Variants in DNAH10 observed in about 807,000 individuals in gnomAD.
DNAH10 encodes the protein dynein axonemal heavy chain 10.
DNAH10 carries 348 observed loss-of-function variants against 506.6 expected under a neutral mutation model. The observed-to-expected ratio is 0.69, with a 90% CI of 0.63 to 0.75. The LOEUF (loss-of-function observed/expected upper bound fraction) is 0.75, where lower values mean the gene tolerates loss of function less well. Among genes scored for constraint, DNAH10 ranks in the 30% least tolerant of loss-of-function variants. The pLI is 0.00. For synonymous variants in DNAH10, 2,059 were observed against 2,198.6 expected, an observed-to-expected ratio of 0.94 and a Z score of 1.78; for missense variants, 5,179 against 5,787.1, an observed-to-expected ratio of 0.89 and a Z score of 3.41.
At chr12:123,765,665 C>A (rs1223488069) in intron 1 of DNAH10, among the ~76,000 whole-genome samples, 1 of 151,830 alleles carries the variant, frequency 6.6e-6, no homozygotes, top group African/African-American at 2.4e-5. Flanking sequence ...ACATCTATCT[C>A]TCTCTATTAT....
At position 123,850,884 on chromosome 12, in the gene DNAH10, C is replaced by T. The variant is rs1951132821; in HGVS notation, c.6103-4C>T. On this transcript the variant is annotated splice_region_variant and splice_polypyrimidine_tract_variant and intron_variant, in intron 34 of 78. Coordinates refer to ENST00000673944, the MANE Select transcript of DNAH10 (RefSeq NM_001372106.1). The surrounding 1 kb of genome is among the most constrained non-coding windows in gnomAD (Gnocchi z 5.5). ...TTCTTTCTTTCTTCCTTCTTGCCCTCCAGTTTGAAGGGCAGGAGATTTCCC... is the reference window on the plus strand; with the variant it reads ...TTCTTTCTTTCTTCCTTCTTGCCCTTCAGTTTGAAGGGCAGGAGATTTCCC... 2 of 1,602,606 alleles carry T rather than the reference C, an allele frequency of 1.2e-6. No individual in the cohort carries two copies. The highest frequency in any genetic ancestry group is 1.7e-6 in the Non-Finnish European group (2 of 1,172,510).
At chr12:123,782,995 C>A in intron 6 of DNAH10, 112 bp from the exon 7 acceptor site, 1 of 890,860 alleles carries the variant, frequency 1.1e-6, no homozygotes, top group Non-Finnish European at 1.8e-6. Context: ...ATGCGTCAGA[C>A]CTTATTATAC....
rs529249884 is a variant in DNAH10, at chr12:123,858,300, T to C, written c.6631-850T>C. Among the ~76,000 whole-genome samples the C allele has an allele frequency of 3.9e-5, 6 of 152,256 alleles. No homozygotes were observed. The South Asian group carries it at 1.2e-3, about 32-fold the overall frequency. ...GGCAGAGTCCTGCTGAGAGTGTAAATGCCCAGAGCCTCCAGACCTGGGGGG... is the reference window on the plus strand; with the variant it reads ...GGCAGAGTCCTGCTGAGAGTGTAAACGCCCAGAGCCTCCAGACCTGGGGGG... On this transcript the variant is annotated intron_variant, in intron 37 of 78. Coordinates refer to ENST00000673944, the MANE Select transcript of DNAH10 (RefSeq NM_001372106.1).
chr12:123,766,233 G>A (rs112935333), intron 1 of DNAH10, among the ~76,000 whole-genome samples: 2 of 150,908 alleles, frequency 1.3e-5, no homozygotes, highest in Non-Finnish European at 3.0e-5. Flanking sequence ...CTGTCTGTCT[G>A]TCTATCTCTG....
intron 52 of DNAH10, among the ~76,000 whole-genome samples, chr12:123,891,369 G>A (rs1019032730): frequency 6.6e-6 from 1 of 152,164 alleles, no homozygotes; most frequent in African/African-American, 2.4e-5. Flanking sequence ...GGGGACTTCA[G>A]TATATCTTTT....
Position 123,913,381 on chromosome 12 carries a change from C to T in DNAH10, c.10352+66C>T. 1 of 1,453,516 alleles carries T rather than the reference C, an allele frequency of 6.9e-7. No homozygotes were observed. The highest frequency in any genetic ancestry group is 9.2e-7 in the Non-Finnish European group (1 of 1,085,710). 90.0% of individuals were successfully genotyped at this position (1,453,516 alleles called of 1,614,324 possible). A position where few individuals can be genotyped will look rare whatever the true frequency, so the allele number is the denominator to read the frequency against. ...CGGACGTCACCCACAGAGTTTCTCG[C>T]CATGTTGATTCTTTATCTCACGTTG... On this transcript the variant is annotated intron_variant, in intron 60 of 78. Transcript: ENST00000673944. The surrounding 1 kb of genome is among the most constrained non-coding windows in gnomAD (Gnocchi z 5.1).
Position 123,850,856 on chromosome 12 carries a change from T to G in DNAH10, c.6103-32T>G. On this transcript the variant is annotated intron_variant, in intron 34 of 78. Transcript: ENST00000673944. This position sits in a 1 kb window ranked among gnomAD's most constrained non-coding sequence, Gnocchi z 5.5. ...GGGCTGGCCGGCCGGGCCACCTAAC[T>G]GCTTCTTTCTTTCTTCCTTCTTGCC... 1 of 1,585,372 alleles carries G rather than the reference T, an allele frequency of 6.3e-7. No homozygotes were observed. The highest frequency in any genetic ancestry group is 8.6e-7 in the Non-Finnish European group (1 of 1,163,278).
chr12:123,921,907 G>A (rs564501521), intron 65 of DNAH10, among the ~76,000 whole-genome samples: 2 of 151,346 alleles, frequency 1.3e-5, no homozygotes, highest in African/African-American at 2.4e-5. Context: ...TAGAGACAGG[G>A]TTTTGCCATG....
intron 12 of DNAH10, among the ~76,000 whole-genome samples, chr12:123,795,760 C>A (rs929720528): frequency 6.6e-5 from 10 of 152,192 alleles, no homozygotes; most frequent in African/African-American, 2.4e-4. Flanking sequence ...GTGCCTGCCA[C>A]ACCTAATTAC....
At chr12:123,908,207 C>CCCTGTCTCCTCCCTGTCTT in intron 57 of DNAH10, 8 of 399,830 alleles carry the variant, frequency 2.0e-5, no homozygotes, top group Non-Finnish European at 4.0e-5. Flanking sequence ...TCTGTCCCCT[C>CCCTGTCTCCTCCCTGTCTT]CCTGTCTCCT....
intron 35 of DNAH10, 104 bp downstream of exon 35, chr12:123,851,180 CGGG>C: frequency 7.9e-7 from 1 of 1,269,234 alleles, no homozygotes. Context: ...CTCTTCCAGA[CGGG>C]ACCTAGGATG....
rs181419230 is a variant in DNAH10, at chr12:123,913,361, G to A, written c.10352+46G>A. On this transcript the variant is annotated intron_variant, in intron 60 of 78. Coordinates refer to ENST00000673944, the MANE Select transcript of DNAH10 (RefSeq NM_001372106.1). The surrounding 1 kb of genome is among the most constrained non-coding windows in gnomAD (Gnocchi z 5.1). ...CACCTGTTGCGGTTTGTAAACGGACGTCACCCACAGAGTTTCTCGCCATGT... is the reference window on the plus strand; with the variant it reads ...CACCTGTTGCGGTTTGTAAACGGACATCACCCACAGAGTTTCTCGCCATGT... 4.9e-4 allele frequency: 732 copies of A among 1,505,756 alleles called. 1 individual carries two copies. The highest frequency in any genetic ancestry group is 6.4e-4 in the Non-Finnish European group (715 of 1,121,856). 93.3% of individuals were successfully genotyped at this position (1,505,756 alleles called of 1,614,324 possible).
Position 123,813,751 on chromosome 12 carries a change from T to C in DNAH10, c.3622-3T>C, listed in dbSNP as rs752397692. 6 of 1,613,448 alleles carry C rather than the reference T, an allele frequency of 3.7e-6. No homozygotes were observed. The highest frequency in any genetic ancestry group is 4.5e-5 in the East Asian group (2 of 44,904). ...TTAGTGTTCTTTGTACTTTCTGTTA[T>C]AGCACCTGGCCAAAAACCTTAGGAA... On this transcript the variant is annotated splice_polypyrimidine_tract_variant and splice_region_variant and intron_variant, in intron 20 of 78. Coordinates refer to ENST00000673944, the MANE Select transcript of DNAH10 (RefSeq NM_001372106.1).
At chr12:123,935,056 C>T in intron 78 of DNAH10, 1 of 599,314 alleles carries the variant, frequency 1.7e-6, no homozygotes, top group Non-Finnish European at 2.9e-6. Flanking sequence ...CAAAATGCTG[C>T]AGACATTGCC....
At chr12:123,798,083 T>C (rs1958346617) in intron 13 of DNAH10, among the ~76,000 whole-genome samples, 2 of 152,252 alleles carry the variant, frequency 1.3e-5, no homozygotes, top group African/African-American at 4.8e-5. Context: ...TTTGATTTCT[T>C]TTTAATCATC....
rs755459617 is a variant in DNAH10, at chr12:123,803,653, C to T, written c.2615-8C>T. ...GCCAAATGTCTTTCTTTCTTTCTTTCTTCAAAGGTATCGGTGACTATATAA... is the reference window on the plus strand; with the variant it reads ...GCCAAATGTCTTTCTTTCTTTCTTTTTTCAAAGGTATCGGTGACTATATAA... On this transcript the variant is annotated splice_polypyrimidine_tract_variant and splice_region_variant and intron_variant, in intron 16 of 78. Transcript: ENST00000673944. The T allele has an allele frequency of 1.3e-6, 2 of 1,540,392 alleles. No individual in the cohort carries two copies. Among genetic ancestry groups the T allele is most frequent in the East Asian group, 2.4e-5 (1 of 42,516 alleles).
At chr12:123,934,433 G>A in intron 77 of DNAH10, 188 bp from the exon 78 acceptor site, 1 of 747,614 alleles carries the variant, frequency 1.3e-6, no homozygotes, top group South Asian at 1.5e-5. Context: ...TCTCCTGTCT[G>A]GGCTGCTCCT....
chr12:123,928,637 C>T lies in DNAH10; in HGVS notation c.12306+50C>T. 1 of 1,532,124 alleles carries T rather than the reference C, an allele frequency of 6.5e-7. No homozygotes were observed. The highest frequency in any genetic ancestry group is 1.2e-5 in the South Asian group (1 of 83,522). The allele number at this position is 1,532,124 out of a possible 1,614,324, so 94.9% of individuals were successfully genotyped here. ...CATGCCAGCACGCAGCTTCTCAGAA[C>T]ACCTGCATGCTGCTCTGGGGCCGGG... On this transcript the variant is annotated intron_variant, in intron 70 of 78. Coordinates refer to ENST00000673944, the MANE Select transcript of DNAH10 (RefSeq NM_001372106.1). The surrounding 1 kb of genome is among the most constrained non-coding windows in gnomAD (Gnocchi z 4.9).
intron 6 of DNAH10, among the ~76,000 whole-genome samples, chr12:123,782,181 A>G (rs929614166): frequency 5.3e-5 from 8 of 151,894 alleles, no homozygotes; most frequent in African/African-American, 1.9e-4. Context: ...ATCAGCTATT[A>G]TATTTTTAAT....
Sources: gnomAD v4.1 joint callset for allele counts (sites outside exome capture counted in the v4.1 genomes callset) on GRCh38, gnomAD v4.1.1 for gene constraint, Gnocchi (gnomAD v3.1) non-coding constraint, MANE v1.5 for transcripts, NCBI Gene and HGNC (gene_info 2026-07-23, HGNC 2026-07-21) for gene names.